Variants in SPDL1 observed in about 807,000 individuals in gnomAD.
SPDL1 encodes protein Spindly.
In SPDL1, 85 loss-of-function variants were observed where a neutral mutation model predicts 79.5. The ratio of observed to expected loss-of-function variants is 1.07; its 90% CI spans 0.90 to 1.28. SPDL1 has a LOEUF of 1.28. Among genes scored for constraint, SPDL1 ranks in the 50% most tolerant of loss-of-function variants. SPDL1 has a pLI of 0.00. For synonymous variants in SPDL1, 269 were observed against 240.3 expected, an observed-to-expected ratio of 1.12 and a Z score of -1.10; for missense variants, 703 against 697.8, an observed-to-expected ratio of 1.01 and a Z score of -0.08.
intron 10 of SPDL1, among the ~76,000 whole-genome samples, chr5:169,600,925 C>T (rs1014222795): frequency 1.3e-5 from 2 of 152,090 alleles, no homozygotes; most frequent in African/African-American, 2.4e-5. Flanking sequence ...CTGTCACATA[C>T]GAGGATTAGG....
intron 1 of SPDL1, among the ~76,000 whole-genome samples, chr5:169,584,691 C>T (rs1754890774): frequency 6.6e-6 from 1 of 152,164 alleles, no homozygotes; most frequent in South Asian, 2.1e-4. Context: ...GTTGCAGCAC[C>T]ATGGTTTCTA....
intron 1 of SPDL1, chr5:169,584,273 T>A (rs1754861773): frequency 6.6e-6 from 1 of 151,794 alleles, no homozygotes; most frequent in Non-Finnish European, 1.5e-5. Context: ...ATTTTTATAA[T>A]GATTACATGT....
At position 169,604,139 on chromosome 5, in the gene SPDL1, A is replaced by G. The variant is rs1454121979; in HGVS notation, c.1750A>G (p.Lys584Glu). 6.2e-7 allele frequency: 1 copy of G among 1,613,444 alleles called. No homozygotes were observed. Among genetic ancestry groups the G allele is most frequent in the Non-Finnish European group, 8.5e-7 (1 of 1,179,788 alleles). The part of the protein sequence containing the change: ...TSSKLEKETC[K>E]KLHPILYVSS... Reference sequence around the variant, plus strand: ...AAGCAAATTGGAAAAAGAAACTTGTAAGAAATTACACCCTATTCTATATGT... The same window carrying G: ...AAGCAAATTGGAAAAAGAAACTTGTGAGAAATTACACCCTATTCTATATGT... Residue 584 changes from lysine to glutamate, a missense_variant, in exon 12 of 12, where the codon AAG becomes GAG. Lys to Glu is a moderately conservative substitution (Grantham distance 56). Transcript: ENST00000265295.
chr5:169,593,576 G>T, intron 4 of SPDL1, 28 bp downstream of exon 4: 1 of 1,502,046 alleles, frequency 6.7e-7, no homozygotes, highest in South Asian at 1.4e-5. Context: ...TGTTTCTCAG[G>T]GTTTTCTCTT....
In SPDL1 at chr5:169,591,231, A is replaced by T; in HGVS notation, c.336+7A>T. 2 of 1,611,004 alleles carry T rather than the reference A, an allele frequency of 1.2e-6. No homozygotes were observed. The highest frequency in any genetic ancestry group is 1.3e-5 in the African/African-American group (1 of 74,812). ...GAATGAACTAAAAACTAAGGTTGGG[A>T]TATCTGCGTATTTCAGCACAAAATA... is the stretch of plus-strand genomic sequence containing the variant. On this transcript the variant is annotated splice_region_variant and intron_variant, in intron 3 of 11. Transcript: ENST00000265295.
chr5:169,600,854 A>T (rs1310072876), intron 10 of SPDL1, among the ~76,000 whole-genome samples: 1 of 152,204 alleles, frequency 6.6e-6, no homozygotes, highest in Non-Finnish European at 1.5e-5. Context: ...GGGTGCTTTT[A>T]ATCCCCATTT....
chr5:169,600,749 TG>T (rs951404597), intron 10 of SPDL1, among the ~76,000 whole-genome samples: 2 of 152,206 alleles, frequency 1.3e-5, no homozygotes, highest in African/African-American at 4.8e-5. Context: ...GCTTATATTT[TG>T]TAGGTAGAGC....
At position 169,596,609 on chromosome 5, in the gene SPDL1, G is replaced by T; in HGVS notation, c.940G>T (p.Glu314Ter). 1 of 1,610,510 alleles carries T rather than the reference G, an allele frequency of 6.2e-7. No homozygotes were observed. Among genetic ancestry groups the T allele is most frequent in the South Asian group, 1.1e-5 (1 of 90,256 alleles). ...GATGAAAGGGTCTCAAACTGAATTTGAGCAGCAGGAACGGTTGCTTGCCAT... is the reference window on the plus strand; with the variant it reads ...GATGAAAGGGTCTCAAACTGAATTTTAGCAGCAGGAACGGTTGCTTGCCAT... ...LQMKGSQTEF[E>*]QQERLLAMLE... Residue 314 changes from glutamate to a stop codon, truncating the protein, a stop_gained, in exon 8 of 12, where the codon GAG (glutamate) becomes TAG (stop). Transcript: ENST00000265295. LOFTEE classifies it high-confidence loss of function.
chr5:169,587,701 A>G (rs1310759839), intron 1 of SPDL1, among the ~76,000 whole-genome samples: 2 of 152,116 alleles, frequency 1.3e-5, no homozygotes, highest in Non-Finnish European at 2.9e-5. Flanking sequence ...TTATGTGTTT[A>G]TAGTACCCAG....
chr5:169,587,017 T>C (rs1755020121), intron 1 of SPDL1, among the ~76,000 whole-genome samples: 1 of 152,204 alleles, frequency 6.6e-6, no homozygotes, highest in Admixed American at 6.5e-5. Context: ...AGGATTCCCC[T>C]CTTGCTGGAA....
chr5:169,596,547 T>C lies in SPDL1; in HGVS notation c.892-14T>C, dbSNP rs1384962053. On this transcript the variant is annotated splice_polypyrimidine_tract_variant and intron_variant, in intron 7 of 11. Transcript: ENST00000265295. ...CACTTAATTTTATTAGAGGGGGTAA[T>C]TTTATTTTTCTAGTTACAAATTGCC... 1 of 1,602,136 alleles carries C rather than the reference T, an allele frequency of 6.2e-7. No homozygotes were observed. The highest frequency in any genetic ancestry group is 2.3e-5 in the East Asian group (1 of 44,394).
intron 3 of SPDL1, among the ~76,000 whole-genome samples, chr5:169,591,669 T>C (rs1755295938): frequency 6.6e-6 from 1 of 152,256 alleles, no homozygotes; most frequent in South Asian, 2.1e-4. Flanking sequence ...ATACATGTGC[T>C]CCAGTTCTTA....
chr5:169,588,786 A>C, intron 2 of SPDL1: 1 of 371,994 alleles, frequency 2.7e-6, no homozygotes, highest in Non-Finnish European at 4.8e-6. Flanking sequence ...AGATCAAGTT[A>C]TCATTACTCT....
chr5:169,588,713 A>C, intron 2 of SPDL1, 138 bp downstream of exon 2: 1 of 653,298 alleles, frequency 1.5e-6, no homozygotes, highest in East Asian at 3.2e-5. Flanking sequence ...CGTCCCTGTT[A>C]AAAAAGAATG....
At position 169,585,059 on chromosome 5, in the gene SPDL1, T is replaced by C. The variant is rs971383609; in HGVS notation, c.-24+1170T>C. Among the ~76,000 whole-genome samples, 3 of 152,258 alleles carry C rather than the reference T, an allele frequency of 2.0e-5. No individual in the cohort carries two copies. In the East Asian group the frequency reaches 5.8e-4, roughly 29 times the overall value. ...TGTGTATAAAGCACCAAGCACAATG[T>C]CTGTCACACATTAGTAGTTTTTAAT... On this transcript the variant is annotated intron_variant, in intron 1 of 11. Transcript: ENST00000265295.
chr5:169,597,753 C>T (rs1442311507), intron 8 of SPDL1, among the ~76,000 whole-genome samples: 1 of 152,046 alleles, frequency 6.6e-6, no homozygotes, highest in Admixed American at 6.6e-5. Context: ...AAATTGTAGC[C>T]ATTAGTATGT....
chr5:169,586,049 C>T (rs991694626), intron 1 of SPDL1: 1 of 152,198 alleles, frequency 6.6e-6, no homozygotes, highest in African/African-American at 2.4e-5. Context: ...TTTTTTCCAT[C>T]TTAAAAATAA....
intron 3 of SPDL1, among the ~76,000 whole-genome samples, chr5:169,591,666 T>G (rs1323270226): frequency 2.0e-5 from 3 of 152,256 alleles, no homozygotes; most frequent in African/African-American, 7.2e-5. Context: ...CTAATACATG[T>G]GCTCCAGTTC....
rs769590025 is a variant in SPDL1, at chr5:169,601,267, T to C, written c.1325-13T>C. 2 of 1,578,488 alleles carry C rather than the reference T, an allele frequency of 1.3e-6. No individual in the cohort carries two copies. The highest frequency in any genetic ancestry group is 3.9e-5 in the Admixed American group (2 of 50,844). On this transcript the variant is annotated splice_polypyrimidine_tract_variant and intron_variant, in intron 10 of 11. Coordinates refer to ENST00000265295, the MANE Select transcript of SPDL1 (RefSeq NM_017785.5). ...TTAGATTTTTTCTTTTCCCCACTCG[T>C]TTTTATTCTCAGAGACAGTTGAAGT...
Sources: gnomAD v4.1 joint callset for allele counts (sites outside exome capture counted in the v4.1 genomes callset) on GRCh38, gnomAD v4.1.1 for gene constraint, MANE v1.5 for transcripts, NCBI Gene and HGNC (gene_info 2026-07-23, HGNC 2026-07-21) for gene names.